Variants in BAHCC1 observed in about 807,000 individuals in gnomAD.
BAHCC1 encodes BAH and coiled-coil domain-containing protein 1.
A neutral mutation model predicts 88.2 loss-of-function variants in BAHCC1; 43 were observed. That is an observed-to-expected ratio of 0.49 (90% CI 0.38 to 0.63). The LOEUF (loss-of-function observed/expected upper bound fraction) is 0.63. Ranked by LOEUF, BAHCC1 falls within the 20% of genes least tolerant of loss-of-function variation. The probability of loss-of-function intolerance (pLI) is 0.00; values close to 1 mark genes in which losing one functional copy is unlikely to be tolerated. For missense variants in BAHCC1, 3,023 were observed against 1,654.8 expected, an observed-to-expected ratio of 1.83 and a Z score of -14.34; for synonymous variants, 1,510 against 745.5, an observed-to-expected ratio of 2.03 and a Z score of -16.71.
Position 81,423,860 on chromosome 17 carries a change from C to T in BAHCC1, c.179-2940C>T, listed in dbSNP as rs150776795. ...CAAGCATGCAGGCGGGCCGATGGTC[C>T]GGGAGAGCTGGGCTGGGCGGGGCCT... On this transcript the variant is annotated intron_variant, in intron 2 of 27. Transcript: ENST00000675386. 4.3e-3 allele frequency among the ~76,000 whole-genome samples: 649 copies of T among 152,248 alleles called. 1 individual carries two copies. The highest frequency in any genetic ancestry group is 6.2e-3 in the Non-Finnish European group (420 of 67,998).
chr17:81,430,609 A>G (rs2064249318), intron 3 of BAHCC1, among the ~76,000 whole-genome samples: 1 of 152,154 alleles, frequency 6.6e-6, no homozygotes, highest in African/African-American at 2.4e-5. Flanking sequence ...GCTGGGAGTG[A>G]GCAGGAGCTG....
chr17:81,398,176 C>T (rs1359828910), intron 1 of BAHCC1, among the ~76,000 whole-genome samples: 4 of 152,142 alleles, frequency 2.6e-5, no homozygotes, highest in Admixed American at 2.0e-4. Context: ...TAAAACAATA[C>T]GTATTTAGAA....
At chr17:81,462,695 CAGCCCCCCGGCCTCTCAG>C (rs2030409660) in intron 26 of BAHCC1, 27 bp from the exon 27 acceptor site, 1 of 716,386 alleles carries the variant, frequency 1.4e-6, no homozygotes, top group Non-Finnish European at 2.6e-6. Flanking sequence ...CCTGTCCCCA[CAGCCCCCCGGCCTCTCAG>C]AGCCACCCTG....
intron 3 of BAHCC1, among the ~76,000 whole-genome samples, chr17:81,429,653 C>T (rs1414570645): frequency 1.3e-5 from 2 of 152,194 alleles, no homozygotes; most frequent in African/African-American, 4.8e-5. Flanking sequence ...TGGGGGCCAG[C>T]AGGCACAGCG....
At chr17:81,415,554 G>T (rs1555648508) in intron 2 of BAHCC1, 4 of 516,838 alleles carry the variant, frequency 7.7e-6, no homozygotes, top group South Asian at 4.2e-5. Context: ...CTTTCAGCCT[G>T]CAGTGACCTG....
intron 3 of BAHCC1, among the ~76,000 whole-genome samples, chr17:81,436,586 C>T (rs1555651781): frequency 6.6e-6 from 1 of 152,168 alleles, no homozygotes; most frequent in Non-Finnish European, 1.5e-5. Context: ...CCTGCCACTC[C>T]CCTACCCCCG....
At position 81,447,449 on chromosome 17, in the gene BAHCC1, G is replaced by C; in HGVS notation, c.3577G>C (p.Gly1193Arg). ...GAGGAGCAGGGAGGAGGGGGAGCAG[G>C]GGCCCTCGTCAGGGGCCTCCTCCCA... Reference protein sequence around the residue: ...EERSREEGEQGPSSGASSQVL... With the variant: ...EERSREEGEQRPSSGASSQVL... Residue 1193 changes from glycine (G) to arginine (R), a missense_variant, in exon 11 of 28, where the codon GGG becomes CGG. Physicochemically the swap from Gly to Arg is moderately radical, Grantham distance 125 (BLOSUM62 -2). Coordinates refer to ENST00000675386, the MANE Select transcript of BAHCC1 (RefSeq NM_001377448.1). The C allele has an allele frequency of 1.3e-6, 1 of 743,908 alleles. No individual in the cohort carries two copies. Among genetic ancestry groups the C allele is most frequent in the Non-Finnish European group, 2.5e-6 (1 of 400,212 alleles). 46.1% of individuals were successfully genotyped at this position (743,908 alleles called of 1,614,324 possible). A position where few individuals can be genotyped will look rare whatever the true frequency, so the allele number is the denominator to read the frequency against.
At chr17:81,459,460 C>A (rs1555658520) in intron 22 of BAHCC1, 36 bp from the exon 23 acceptor site, 2 of 777,250 alleles carry the variant, frequency 2.6e-6, no homozygotes, top group African/African-American at 3.4e-5. Context: ...GGGCCAGGCC[C>A]CACCTGCTCA....
rs1034420809 is a variant in BAHCC1, at chr17:81,456,312, A to C, written c.4585A>C (p.Lys1529Gln). The change falls in exon 16 of 28, where the codon AAG becomes CAG. Residue 1529 changes from lysine (K) to glutamine (Q), a missense_variant. Lys to Gln is a moderately conservative substitution (Grantham distance 53). Coordinates refer to ENST00000675386, the MANE Select transcript of BAHCC1 (RefSeq NM_001377448.1). ...QTASVEKAQCKKSSCQGGLAP... is the reference protein window; with the variant it reads ...QTASVEKAQCQKSSCQGGLAP... ...CTGTTCACAGGAGAAGGCGCAGTGT[A>C]AGAAGAGCAGCTGTCAGGGCGGGCT... The C allele has an allele frequency of 5.6e-6, 4 of 718,438 alleles. No homozygotes were observed. Among genetic ancestry groups the C allele is most frequent in the African/African-American group, 1.7e-5 (1 of 57,226 alleles). The allele number at this position is 718,438 out of a possible 1,614,324, so 44.5% of individuals were successfully genotyped here.
At chr17:81,441,265 G>A (rs926560324) in intron 4 of BAHCC1, among the ~76,000 whole-genome samples, 9 of 152,228 alleles carry the variant, frequency 5.9e-5, no homozygotes, top group African/African-American at 1.7e-4. Context: ...ATGGATGCTC[G>A]TGACGGCTGC....
In BAHCC1 at chr17:81,411,497, TG is replaced by T. The variant is rs1555647825; in HGVS notation, c.178+11581del. ...ACCCCTGCCTGCCTGCCTGCCTGCC[TG>T]CCTGCCTGCCTGCCTGCCTTCCTTC... On this transcript the variant is annotated intron_variant, in intron 2 of 27. Transcript: ENST00000675386. The surrounding 1 kb of genome is among the most constrained non-coding windows in gnomAD (Gnocchi z 6.2). 2.6e-5 allele frequency: 8 copies of T among 309,008 alleles called. No individual in the cohort carries two copies. In the African/African-American group the frequency reaches 2.9e-4, roughly 11 times the overall value. 19.1% of individuals were successfully genotyped at this position (309,008 alleles called of 1,614,324 possible). A position where few individuals can be genotyped will look rare whatever the true frequency, so the allele number is the denominator to read the frequency against.
chr17:81,457,105 G>C (rs2064763740), intron 16 of BAHCC1, among the ~76,000 whole-genome samples: 1 of 152,130 alleles, frequency 6.6e-6, no homozygotes, highest in African/African-American at 2.4e-5. Context: ...TCTGGGCGGA[G>C]GACAGCAGAA....
intron 3 of BAHCC1, among the ~76,000 whole-genome samples, chr17:81,433,618 C>CA (rs1196800449): frequency 6.7e-6 from 1 of 149,042 alleles, no homozygotes; most frequent in Non-Finnish European, 1.5e-5. Flanking sequence ...CAGGTGTCAT[C>CA]AGTCCACCAA....
Position 81,465,809 on chromosome 17 carries a change from C to G in BAHCC1, c.*1992C>G, listed in dbSNP as rs1396744377. The G allele has an allele frequency of 1.3e-5, 2 of 152,390 alleles. No homozygotes were observed. Among genetic ancestry groups the G allele is most frequent in the Non-Finnish European group, 1.5e-5 (1 of 68,034 alleles). The allele number at this position is 152,390 out of a possible 1,614,324, so 9.4% of individuals were successfully genotyped here. On this transcript the variant is annotated 3_prime_UTR_variant, in exon 28 of 28. Coordinates refer to ENST00000675386, the MANE Select transcript of BAHCC1 (RefSeq NM_001377448.1). Reference sequence around the variant, plus strand: ...TCGGGGGTCCCCGCCTCCAGCCCCCCGCTCCCACCCCCGAGCCTACCCTTT... The same window carrying G: ...TCGGGGGTCCCCGCCTCCAGCCCCCGGCTCCCACCCCCGAGCCTACCCTTT...
intron 2 of BAHCC1, among the ~76,000 whole-genome samples, chr17:81,426,126 A>ATAGTGGTGGGTGATGTGGTTGGTGGTGAT (rs2064194016): frequency 3.1e-4 from 1 of 3,208 alleles, no homozygotes; most frequent in Non-Finnish European, 7.8e-4. Flanking sequence ...TGGTGGTGAT[A>ATAGTGGTGGGTGATGTGGTTGGTGGTGAT]GTGGTTGGTG....
rs1555658845 is a variant in BAHCC1 at position 81,460,537 on chromosome 17, G to A, written c.6033G>A (p.Glu2011=). The A allele has an allele frequency of 1.3e-6, 1 of 749,252 alleles. No homozygotes were observed. Among genetic ancestry groups the A allele is most frequent in the East Asian group, 2.5e-5 (1 of 40,554 alleles). The allele number at this position is 749,252 out of a possible 1,614,324, so 46.4% of individuals were successfully genotyped here. A position where few individuals can be genotyped will look rare whatever the true frequency, so the allele number is the denominator to read the frequency against. The change falls in exon 25 of 28, where the codon GAG becomes GAA. Residue 2011 remains glutamate (E), a synonymous_variant. Transcript: ENST00000675386. ...GGCCCATGCTATCCACAGGCACAGA[G>A]CCCTCTCCAGCCCTGCTAGTGTCTA... is the stretch of plus-strand genomic sequence containing the variant. The part of the protein sequence containing the change: ...LPPDFKIQCT[E]PSPALLVSSS...
chr17:81,406,345 A>G (rs1229915213), intron 2 of BAHCC1, among the ~76,000 whole-genome samples: 1 of 152,138 alleles, frequency 6.6e-6, no homozygotes, highest in Non-Finnish European at 1.5e-5. Flanking sequence ...TAGGTGGGTT[A>G]CTTGCTCTGC....
chr17:81,443,927 G>C lies in BAHCC1; in HGVS notation c.2324+10G>C. ...GCGAGCTGCTGCTGCAGTGAGAGCT[G>C]GGCCTGTGGCCCTGGAGAGTGGGGC... On this transcript the variant is annotated intron_variant, in intron 6 of 27. Transcript: ENST00000675386. The C allele has an allele frequency of 1.4e-6, 1 of 708,970 alleles. No homozygotes were observed. The allele number at this position is 708,970 out of a possible 1,614,324, so 43.9% of individuals were successfully genotyped here. A position where few individuals can be genotyped will look rare whatever the true frequency, so the allele number is the denominator to read the frequency against.
chr17:81,411,784 T>G lies in BAHCC1; in HGVS notation c.178+11867T>G, dbSNP rs1216114568. 6.6e-6 allele frequency among the ~76,000 whole-genome samples: 1 copy of G among 152,146 alleles called. No individual in the cohort carries two copies. The highest frequency in any genetic ancestry group is 1.5e-5 in the Non-Finnish European group (1 of 68,018). On this transcript the variant is annotated intron_variant, in intron 2 of 27. Transcript: ENST00000675386. The surrounding 1 kb of genome is among the most constrained non-coding windows in gnomAD (Gnocchi z 6.2). ...CCAGCCTCCCTGGGTCTCTGGGCCT[T>G]TGCCTCTACCCACACCTGCACGCCT...
Sources: allele counts gnomAD v4.1 joint callset (sites outside exome capture counted in the v4.1 genomes callset), GRCh38; gene constraint gnomAD v4.1.1; non-coding constraint Gnocchi (gnomAD v3.1); transcripts MANE v1.5; gene names NCBI Gene and HGNC (gene_info 2026-07-23, HGNC 2026-07-21).